Variants in WASHC4 observed in about 807,000 individuals in gnomAD.
WASHC4 encodes the protein WASH complex subunit 4, also known as WASH complex subunit 7.
A neutral mutation model predicts 166.6 loss-of-function variants in WASHC4; 86 were observed. The observed-to-expected ratio is 0.52, with a 90% CI of 0.43 to 0.62. WASHC4 has a LOEUF of 0.62. WASHC4 is among the 20% of genes least tolerant of loss of function. WASHC4 has a pLI of 0.00. For synonymous variants in WASHC4, 446 were observed against 451.6 expected, an observed-to-expected ratio of 0.99 and a Z score of 0.16; for missense variants, 1,262 against 1,382.4, an observed-to-expected ratio of 0.91 and a Z score of 1.38.
intron 13 of WASHC4, 144 bp downstream of exon 13, chr12:105,127,433 T>C: frequency 1.4e-6 from 1 of 689,932 alleles, no homozygotes; most frequent in Non-Finnish European, 2.5e-6. Flanking sequence ...CCAGGAGATT[T>C]GTTTTCTAGA....
At chr12:105,129,875 T>A (rs777598228) in intron 13 of WASHC4, among the ~76,000 whole-genome samples, 32 of 152,242 alleles carry the variant, frequency 2.1e-4, no homozygotes, top group Admixed American at 5.9e-4. Flanking sequence ...GGCATTATGC[T>A]AATAGCTTTA....
intron 13 of WASHC4, among the ~76,000 whole-genome samples, chr12:105,131,082 ATT>A (rs910009603): frequency 6.7e-5 from 10 of 148,652 alleles, no homozygotes; most frequent in Non-Finnish European, 1.3e-4. Context: ...TTATTTATTT[ATT>A]TTTTTTTTTT....
chr12:105,151,189 A>ACCTTCCAG lies in WASHC4; in HGVS notation c.2650-1153_2650-1146dup, dbSNP rs1467815565. Among the ~76,000 whole-genome samples, 3 of 146,976 alleles carry ACCTTCCAG rather than the reference A, an allele frequency of 2.0e-5. No homozygotes were observed. In the Admixed American group the frequency reaches 2.1e-4, roughly 10 times the overall value. ...AAAAAAAGAACGCCGTTTTCCTTTCACCTTCCAGGCTGAGTTTTCCCATAG... is the reference window on the plus strand; with the variant it reads ...AAAAAAAGAACGCCGTTTTCCTTTCACCTTCCAGCCTTCCAGGCTGAGTTTTCCCATAG... On this transcript the variant is annotated intron_variant, in intron 25 of 32. Coordinates refer to ENST00000332180, the MANE Select transcript of WASHC4 (RefSeq NM_015275.3).
At chr12:105,109,534 C>T (rs555443173) in intron 1 of WASHC4, among the ~76,000 whole-genome samples, 2 of 152,166 alleles carry the variant, frequency 1.3e-5, no homozygotes, top group South Asian at 2.1e-4. Flanking sequence ...ATTTTACAAC[C>T]GTTTATTGTC....
In WASHC4 at chr12:105,144,832, T is replaced by C. The variant is rs762708795; in HGVS notation, c.2294T>C (p.Val765Ala). 1.9e-6 allele frequency: 3 copies of C among 1,613,192 alleles called. No individual in the cohort carries two copies. The highest frequency in any genetic ancestry group is 4.5e-5 in the East Asian group (2 of 44,838). The change falls in exon 22 of 33, where the codon GTT (valine) becomes GCT (alanine). Residue 765 changes from valine to alanine, a missense_variant. By Grantham distance (64) the Val-to-Ala change is moderately conservative (BLOSUM62 0). Transcript: ENST00000332180. ...TTAGCTACTCAGCGTTATGGACTGG[T>C]TATGACAGAGGCACATCTTCCCAGT... ...RNLATQRYGLVMTEAHLPSQT... is the reference protein window; with the variant it reads ...RNLATQRYGLAMTEAHLPSQT...
rs1443797965 is a variant in WASHC4, at chr12:105,160,096, G to C, written c.3008G>C (p.Arg1003Pro). 1.2e-6 allele frequency: 2 copies of C among 1,613,722 alleles called. No individual in the cohort carries two copies. Among genetic ancestry groups the C allele is most frequent in the Admixed American group, 3.3e-5 (2 of 60,016 alleles). The change falls in exon 29 of 33, where the codon CGA (arginine) becomes CCA (proline). Residue 1003 changes from arginine (R) to proline (P), a missense_variant. By Grantham distance (103) the Arg-to-Pro change is moderately radical. Coordinates refer to ENST00000332180, the MANE Select transcript of WASHC4 (RefSeq NM_015275.3). ...GTAGACGTTTTTGCTCCAGAATTTC[G>C]AAGGCCAAAGAATATACATCTCCGA... ...MLVDVFAPEF[R>P]RPKNIHLRNF...
intron 26 of WASHC4, among the ~76,000 whole-genome samples, chr12:105,154,218 A>G (rs947953058): frequency 1.3e-5 from 2 of 151,978 alleles, no homozygotes; most frequent in Admixed American, 6.5e-5. Context: ...TTTAGTAGAG[A>G]TAGGGTTTCA....
At chr12:105,122,771 A>G (rs1432204374) in intron 10 of WASHC4, among the ~76,000 whole-genome samples, 7 of 152,102 alleles carry the variant, frequency 4.6e-5, no homozygotes, top group African/African-American at 1.4e-4. Context: ...GGGTGCTACA[A>G]ATAGTGCCCC....
At chr12:105,120,967 T>G in intron 8 of WASHC4, 134 bp from the exon 9 acceptor site, 2 of 695,578 alleles carry the variant, frequency 2.9e-6, no homozygotes, top group South Asian at 3.1e-5. Context: ...ATCCAACCTG[T>G]AGCTGAATAA....
chr12:105,164,530 C>T (rs572636416), intron 31 of WASHC4, 111 bp from the exon 32 acceptor site: 39 of 884,508 alleles, frequency 4.4e-5, no homozygotes, highest in Non-Finnish European at 6.1e-5. Flanking sequence ...TTTATGATTT[C>T]CACTAGAGCT....
chr12:105,134,584 C>T (rs1188680805), intron 14 of WASHC4, among the ~76,000 whole-genome samples: 1 of 151,926 alleles, frequency 6.6e-6, no homozygotes, highest in Non-Finnish European at 1.5e-5. Flanking sequence ...AAGAAATATT[C>T]CTTGTTATCT....
At chr12:105,113,016 C>G (rs925600766) in intron 2 of WASHC4, among the ~76,000 whole-genome samples, 1 of 152,064 alleles carries the variant, frequency 6.6e-6, no homozygotes, top group Admixed American at 6.6e-5. Context: ...CCTTTGACTT[C>G]TTTTCTTGCA....
intron 6 of WASHC4, among the ~76,000 whole-genome samples, chr12:105,118,142 T>A (rs1880363403): frequency 1.3e-5 from 2 of 152,164 alleles, no homozygotes; most frequent in African/African-American, 4.8e-5. Flanking sequence ...CAGTGGATAT[T>A]CAAAGAAGGA....
intron 13 of WASHC4, among the ~76,000 whole-genome samples, chr12:105,130,004 A>G (rs776357271): frequency 3.9e-5 from 6 of 152,150 alleles, no homozygotes; most frequent in Non-Finnish European, 7.3e-5. Context: ...CTTGACACAT[A>G]CCTCCTGTAA....
Position 105,122,239 on chromosome 12 carries a change from G to T in WASHC4, c.786+1G>T. The T allele has an allele frequency of 6.2e-7, 1 of 1,611,980 alleles. No homozygotes were observed. Among genetic ancestry groups the T allele is most frequent in the Non-Finnish European group, 8.5e-7 (1 of 1,179,420 alleles). ...ATTACTGGATGGAATGATATTCCAG[G>T]TAAGTAGGTCTGTATCAGACTGTAA... On this transcript the variant is annotated splice_donor_variant, in intron 10 of 32. Transcript: ENST00000332180. LOFTEE classifies it high-confidence loss of function.
chr12:105,144,847 A>G lies in WASHC4; in HGVS notation c.2309A>G (p.His770Arg). 1.2e-6 allele frequency: 2 copies of G among 1,613,282 alleles called. No individual in the cohort carries two copies. Among genetic ancestry groups the G allele is most frequent in the Non-Finnish European group, 1.7e-6 (2 of 1,179,462 alleles). Residue 770 changes from histidine to arginine, a missense_variant, in exon 22 of 33, where the codon CAT becomes CGT. Physicochemically the swap from His to Arg is conservative, Grantham distance 29. Coordinates refer to ENST00000332180, the MANE Select transcript of WASHC4 (RefSeq NM_015275.3). ...TATGGACTGGTTATGACAGAGGCAC[A>G]TCTTCCCAGTCAGACTTTGGAACAG... ...QRYGLVMTEA[H>R]LPSQTLEQGL... is the part of the protein sequence containing the mutation.
In WASHC4 at chr12:105,144,756, C is replaced by CT; in HGVS notation, c.2219dup (p.Thr741AsnfsTer7). ...CTACCTAGACAAGACTTTCTACAAT[C>CT]TAACAACTGTAGCCCTTCATGACTG... On this transcript the variant is annotated frameshift_variant, in exon 22 of 33. Coordinates refer to ENST00000332180, the MANE Select transcript of WASHC4 (RefSeq NM_015275.3). LOFTEE classifies it high-confidence loss of function. 1.2e-6 allele frequency: 2 copies of CT among 1,611,516 alleles called. No homozygotes were observed. The highest frequency in any genetic ancestry group is 1.7e-6 in the Non-Finnish European group (2 of 1,178,628).
intron 19 of WASHC4, 24 bp downstream of exon 19, chr12:105,142,582 A>G: frequency 8.0e-7 from 1 of 1,243,770 alleles, no homozygotes; most frequent in Non-Finnish European, 1.2e-6. Context: ...AATATAAAGA[A>G]TAATTCTATC....
intron 14 of WASHC4, among the ~76,000 whole-genome samples, chr12:105,136,312 A>G (rs1882313603): frequency 6.6e-6 from 1 of 152,140 alleles, no homozygotes; most frequent in Non-Finnish European, 1.5e-5. Flanking sequence ...AGCAACCCTG[A>G]ATGCCAGGAT....
Sources: gnomAD v4.1 joint callset for allele counts (sites outside exome capture counted in the v4.1 genomes callset) on GRCh38, gnomAD v4.1.1 for gene constraint, MANE v1.5 for transcripts, NCBI Gene and HGNC (gene_info 2026-07-23, HGNC 2026-07-21) for gene names.